MYH15: variants seen among roughly 807,000 people sequenced by gnomAD.
MYH15 encodes the protein myosin-15.
Under a neutral mutation model 240.5 loss-of-function variants are expected in MYH15, and 227 were observed. The observed-to-expected ratio is 0.94, with a 90% CI of 0.85 to 1.05. MYH15 has a LOEUF of 1.05. MYH15 is among the 50% of genes least tolerant of loss of function. The pLI is 0.00. For synonymous variants in MYH15, 785 were observed against 796.7 expected (o/e 0.99, Z 0.25); for missense variants, 2,217 against 2,247.5 (o/e 0.99, Z 0.27).
intron 12 of MYH15, among the ~76,000 whole-genome samples, chr3:108,473,550 C>A (rs1254616318): frequency 6.6e-6 from 1 of 152,116 alleles, no homozygotes; most frequent in East Asian, 1.9e-4. Flanking sequence ...AGTGGTTAAT[C>A]TTTCTAAGGG....
chr3:108,469,892 G>A lies in MYH15; in HGVS notation c.1554+150C>T, dbSNP rs1244371465. 6 of 670,578 alleles carry A rather than the reference G, an allele frequency of 8.9e-6. No homozygotes were observed. The Admixed American group carries it at 1.6e-4, about 18-fold the overall frequency. The allele number at this position is 670,578 out of a possible 1,614,324, so 41.5% of individuals were successfully genotyped here. On this transcript the variant is annotated intron_variant, in intron 14 of 40. Transcript: ENST00000693548. ...GTTTCGTTTGGATGCCACAGGTGAT[G>A]CACACAAACACCATTAAGATAAAAT...
intron 1 of MYH15, among the ~76,000 whole-genome samples, chr3:108,508,894 T>A (rs1006619804): frequency 1.3e-5 from 2 of 152,220 alleles, no homozygotes; most frequent in African/African-American, 4.8e-5. Context: ...ATCATAATAA[T>A]GCATTATATT....
intron 21 of MYH15, among the ~76,000 whole-genome samples, chr3:108,448,047 T>G (rs1482734692): frequency 6.6e-6 from 1 of 152,126 alleles, no homozygotes; most frequent in Non-Finnish European, 1.5e-5. Flanking sequence ...TAAGATGTTG[T>G]CAGCCTTAAG....
intron 35 of MYH15, among the ~76,000 whole-genome samples, chr3:108,395,620 GT>G (rs1365045087): frequency 2.7e-4 from 36 of 133,822 alleles, no homozygotes; most frequent in Admixed American, 1.3e-3. Flanking sequence ...TCTCTAATTT[GT>G]TTTTTTTTTC....
the MYH15 span, among the ~76,000 whole-genome samples, chr3:108,537,425 A>G: frequency 1.3e-5 from 2 of 152,302 alleles, no homozygotes; most frequent in South Asian, 2.1e-4. Flanking sequence ...TGTATTAATA[A>G]TAGTATTAAG....
chr3:108,420,050 T>C (rs923337448), intron 28 of MYH15, among the ~76,000 whole-genome samples: 4 of 151,754 alleles, frequency 2.6e-5, no homozygotes, highest in Non-Finnish European at 2.9e-5. Flanking sequence ...TGACCGAGTA[T>C]GCAAAATACA....
Position 108,381,496 on chromosome 3 carries a change from G to A in MYH15, c.*49C>T, listed in dbSNP as rs1418694012. 6.8e-6 allele frequency: 11 copies of A among 1,607,208 alleles called. No homozygotes were observed. The highest frequency in any genetic ancestry group is 9.4e-6 in the Non-Finnish European group (11 of 1,174,026). On this transcript the variant is annotated 3_prime_UTR_variant, in exon 41 of 41. Coordinates refer to ENST00000693548, the MANE Select transcript of MYH15 (RefSeq NM_014981.3). ...AACCTAAGTTTTTGGCCATGAAACA[G>A]CACCTTCCTTGTACTTCTCCAGCTG... is the stretch of plus-strand genomic sequence containing the variant.
At chr3:108,407,137 G>A (rs1308207081) in intron 32 of MYH15, among the ~76,000 whole-genome samples, 1 of 152,166 alleles carries the variant, frequency 6.6e-6, no homozygotes, top group African/African-American at 2.4e-5. Flanking sequence ...TGTATAACAG[G>A]GTGAGAGCTG....
the MYH15 span, among the ~76,000 whole-genome samples, chr3:108,537,692 G>A: frequency 1.3e-5 from 2 of 152,144 alleles, no homozygotes; most frequent in Non-Finnish European, 2.9e-5. Flanking sequence ...TACCTCGTCT[G>A]TTTTGCTGTA....
rs751707221 is a variant in MYH15, at chr3:108,410,806, G to C, written c.4272C>G (p.Leu1424=). The change falls in exon 31 of 41, where the codon CTC becomes CTG. Residue 1424 remains leucine, a synonymous_variant. Transcript: ENST00000693548. ...QLELGDALSD[L]GKVRSAAARL... ...TGGCTGCTGCAGAGCGGACCTTCCC[G>C]AGGTCAGACAGGGCGTCCCCGAGCT... 1.9e-6 allele frequency: 3 copies of C among 1,613,990 alleles called. No homozygotes were observed. Among genetic ancestry groups the C allele is most frequent in the South Asian group, 1.1e-5 (1 of 91,084 alleles).
chr3:108,414,468 A>G (rs766999884), intron 29 of MYH15, 40 bp from the exon 30 acceptor site: 2 of 1,554,060 alleles, frequency 1.3e-6, no homozygotes, highest in African/African-American at 1.4e-5. Flanking sequence ...CATGACCACC[A>G]TGAGCAACAC....
At chr3:108,507,152 T>C (rs1352397962) in intron 1 of MYH15, among the ~76,000 whole-genome samples, 2 of 148,882 alleles carry the variant, frequency 1.3e-5, no homozygotes, top group Non-Finnish European at 3.0e-5. Context: ...CATTTTCTTT[T>C]AAAAGCATAT....
upstream of MYH15, among the ~76,000 whole-genome samples, chr3:108,511,279 A>G (rs1013027467): frequency 3.3e-5 from 5 of 152,172 alleles, no homozygotes; most frequent in Non-Finnish European, 7.3e-5. Context: ...CTGGGAGCAA[A>G]TGATTTACAA....
chr3:108,401,188 C>T (rs1268684191), intron 33 of MYH15, among the ~76,000 whole-genome samples: 1 of 152,110 alleles, frequency 6.6e-6, no homozygotes, highest in Non-Finnish European at 1.5e-5. Context: ...CTTGCCGTAA[C>T]CCCCAAGACT....
chr3:108,419,475 C>T (rs534357135), intron 28 of MYH15, among the ~76,000 whole-genome samples: 2 of 152,286 alleles, frequency 1.3e-5, no homozygotes, highest in Non-Finnish European at 2.9e-5. Flanking sequence ...TAGGGGTAGA[C>T]AGCCAATGCC....
Position 108,405,322 on chromosome 3 carries a change from A to G in MYH15, c.4736+16T>C, listed in dbSNP as rs1040960461. On this transcript the variant is annotated intron_variant, in intron 33 of 40. Coordinates refer to ENST00000693548, the MANE Select transcript of MYH15 (RefSeq NM_014981.3). ...AGAAATACATAATTGTTACACATCA[A>G]AATCATCTTAAATACCTAAAATTTT... 2.1e-6 allele frequency: 3 copies of G among 1,419,004 alleles called. No individual in the cohort carries two copies. The highest frequency in any genetic ancestry group is 1.9e-5 in the Admixed American group (1 of 52,688). 87.9% of individuals were successfully genotyped at this position (1,419,004 alleles called of 1,614,324 possible). A position where few individuals can be genotyped will look rare whatever the true frequency, so the allele number is the denominator to read the frequency against.
intron 16 of MYH15, among the ~76,000 whole-genome samples, chr3:108,462,664 G>A (rs1481554988): frequency 6.6e-6 from 1 of 151,958 alleles, no homozygotes; most frequent in Non-Finnish European, 1.5e-5. Flanking sequence ...CATGCTAGAG[G>A]CTACAGTTGA....
At chr3:108,470,974 A>G in intron 12 of MYH15, 127 bp from the exon 13 acceptor site, 1 of 671,350 alleles carries the variant, frequency 1.5e-6, no homozygotes, top group Non-Finnish European at 2.3e-6. Flanking sequence ...TGCTTCCAAC[A>G]TTCTGCTGAA....
rs1453475365 is a variant in MYH15, at chr3:108,399,260, G to T, written c.4744C>A (p.Gln1582Lys). ...DEEIENFRRK[Q>K]QCTIDSLQSS... ...TGCAGGGAGTCAATGGTACACTGCT[G>T]CTTCCTCCTAATTTGAAATAACATT... Residue 1582 changes from glutamine to lysine, a missense_variant, in exon 34 of 41, where the codon CAG becomes AAG. Physicochemically the swap from Gln to Lys is moderately conservative, Grantham distance 53 (BLOSUM62 1). Coordinates refer to ENST00000693548, the MANE Select transcript of MYH15 (RefSeq NM_014981.3). 4 of 1,607,746 alleles carry T rather than the reference G, an allele frequency of 2.5e-6. No individual in the cohort carries two copies. The African/African-American group carries it at 5.4e-5, about 22-fold the overall frequency.
Sources: gnomAD v4.1 joint callset for allele counts (sites outside exome capture counted in the v4.1 genomes callset) on GRCh38, gnomAD v4.1.1 for gene constraint, MANE v1.5 for transcripts, NCBI Gene and HGNC (gene_info 2026-07-23, HGNC 2026-07-21) for gene names.